The following ZCCHC14 variants were observed in gnomAD, a reference collection of about 807,000 sequenced individuals.
ZCCHC14 encodes zinc finger CCHC domain-containing protein 14.
A neutral mutation model predicts 85.0 loss-of-function variants in ZCCHC14; 16 were observed. The ratio of observed to expected loss-of-function variants is 0.19; its 90% CI spans 0.13 to 0.29. The LOEUF is 0.29. ZCCHC14 is among the 10% of genes least tolerant of loss of function. The pLI is 1.00. For synonymous variants in ZCCHC14, 775 were observed against 630.7 expected (o/e 1.23, Z -3.43); for missense variants, 1,303 against 1,443.5 (o/e 0.90, Z 1.58).
chr16:87,407,629 AC>A lies in ZCCHC14; in HGVS notation c.*2650del, dbSNP rs1908260313. The A allele has an allele frequency of 6.6e-6, 1 of 152,250 alleles. No homozygotes were observed. The highest frequency in any genetic ancestry group is 2.4e-5 in the African/African-American group (1 of 41,454). 9.4% of individuals were successfully genotyped at this position (152,250 alleles called of 1,614,324 possible). On this transcript the variant is annotated 3_prime_UTR_variant, in exon 13 of 13. Coordinates refer to ENST00000671377, the MANE Select transcript of ZCCHC14 (RefSeq NM_015144.3). Reference sequence around the variant, plus strand: ...ACAGGGTTAGAAACTTTAATATCTGACAGACTACAAAGGGCAAAGACGTGGC... The same window carrying A: ...ACAGGGTTAGAAACTTTAATATCTGAAGACTACAAAGGGCAAAGACGTGGC...
At chr16:87,424,535 G>A (rs1349371825) in intron 3 of ZCCHC14, among the ~76,000 whole-genome samples, 1 of 152,216 alleles carries the variant, frequency 6.6e-6, no homozygotes, top group Non-Finnish European at 1.5e-5. Flanking sequence ...GCATGCAGCA[G>A]CGGGCGGTGT....
chr16:87,461,401 T>G (rs943643312), intron 1 of ZCCHC14, among the ~76,000 whole-genome samples: 2 of 152,214 alleles, frequency 1.3e-5, no homozygotes, highest in Non-Finnish European at 2.9e-5. Context: ...TTCTTTACAG[T>G]CTCAATGTAT....
rs886380541 is a variant in ZCCHC14, at chr16:87,407,463, G to A, written c.*2817C>T. On this transcript the variant is annotated 3_prime_UTR_variant, in exon 13 of 13. Transcript: ENST00000671377. ...CACTTCCAACTGTCAGTATTACCAT[G>A]AAATCAACATTAGAAAATAAGGTAG... The A allele has an allele frequency of 1.3e-5, 2 of 152,196 alleles. No individual in the cohort carries two copies. Among genetic ancestry groups the A allele is most frequent in the African/African-American group, 4.8e-5 (2 of 41,444 alleles). The allele number at this position is 152,196 out of a possible 1,614,324, so 9.4% of individuals were successfully genotyped here.
At chr16:87,464,870 C>G (rs972283260) in intron 1 of ZCCHC14, among the ~76,000 whole-genome samples, 1 of 152,226 alleles carries the variant, frequency 6.6e-6, no homozygotes, top group African/African-American at 2.4e-5. Context: ...GACTCAGGCT[C>G]ACCCGCAGGA....
chr16:87,419,016 G>A (rs973010369), intron 6 of ZCCHC14, 115 bp from the exon 7 acceptor site: 117 of 971,122 alleles, frequency 1.2e-4, no homozygotes, highest in Non-Finnish European at 1.7e-4. Context: ...GAGAGCAATG[G>A]TGCGATCTCG....
chr16:87,459,845 A>C (rs1444774942), intron 2 of ZCCHC14, among the ~76,000 whole-genome samples, 163 bp downstream of exon 2: 1 of 152,214 alleles, frequency 6.6e-6, no homozygotes, highest in Non-Finnish European at 1.5e-5. Context: ...AGATTTTTAC[A>C]GCCAAAGCAT....
At chr16:87,463,173 C>T (rs1042438333) in intron 1 of ZCCHC14, among the ~76,000 whole-genome samples, 2 of 152,124 alleles carry the variant, frequency 1.3e-5, no homozygotes, top group Admixed American at 6.5e-5. Context: ...CTTGAGGCCA[C>T]GAGTTCAAGG....
Position 87,411,557 on chromosome 16 carries a change from G to C in ZCCHC14, c.3164C>G (p.Ala1055Gly). The C allele has an allele frequency of 6.2e-7, 1 of 1,613,706 alleles. No individual in the cohort carries two copies. Among genetic ancestry groups the C allele is most frequent in the Non-Finnish European group, 8.5e-7 (1 of 1,180,032 alleles). The change falls in exon 12 of 13, where the codon GCC becomes GGC. Residue 1055 changes from alanine to glycine, a missense_variant. Coordinates refer to ENST00000671377, the MANE Select transcript of ZCCHC14 (RefSeq NM_015144.3). ...CATGGACGGCTGTTTGCAGTCCTGG[G>C]CGCGGTGACCAGTGGCCCCGCAGTT... Reference protein sequence around the residue: ...CYNCGATGHRAQDCKQPSMDF... With the variant: ...CYNCGATGHRGQDCKQPSMDF...
chr16:87,433,281 A>C (rs965556714), intron 2 of ZCCHC14, 80 bp from the exon 3 acceptor site: 9 of 1,394,206 alleles, frequency 6.5e-6, no homozygotes, highest in Non-Finnish European at 8.9e-6. Flanking sequence ...GATATTCAGC[A>C]GTTTTCAAAA....
At chr16:87,424,277 C>T (rs549101184) in intron 3 of ZCCHC14, among the ~76,000 whole-genome samples, 47 of 152,302 alleles carry the variant, frequency 3.1e-4, no homozygotes, top group Admixed American at 2.7e-3. Flanking sequence ...AGCAGCCCTT[C>T]GACCACCGGT....
chr16:87,429,619 T>C (rs993224145), intron 3 of ZCCHC14, among the ~76,000 whole-genome samples: 1 of 152,188 alleles, frequency 6.6e-6, no homozygotes, highest in Non-Finnish European at 1.5e-5. Flanking sequence ...TATCTCTTTT[T>C]TTTTCCCAGG....
rs936916764 is a variant in ZCCHC14 at position 87,491,439 on chromosome 16, G to A, written c.570+230C>T. On this transcript the variant is annotated intron_variant, in intron 1 of 12. Transcript: ENST00000671377. The surrounding 1 kb of genome is among the most constrained non-coding windows in gnomAD (Gnocchi z 5.9). ...TGTACGGCGGAGGCTTGGGATGTAC[G>A]GTGGAGGCTTGGAGAGGTGGGGCAC... 3.3e-5 allele frequency among the ~76,000 whole-genome samples: 5 copies of A among 151,962 alleles called. No individual in the cohort carries two copies. The highest frequency in any genetic ancestry group is 5.9e-5 in the Non-Finnish European group (4 of 67,990).
At chr16:87,418,031 T>A (rs1200077557) in intron 7 of ZCCHC14, 1 of 445,220 alleles carries the variant, frequency 2.2e-6, no homozygotes, top group Admixed American at 3.8e-5. Context: ...AGTATGCGTC[T>A]ACTTGTGTGT....
Position 87,493,011 on chromosome 16 carries a change from G to T in ZCCHC14, c.-773C>A, listed in dbSNP as rs1912855672. ...CGCGCTCGCGGCTGACGGGCGGCCGGGATCAGCAGAAGTGGGCGGGGTGGC... is the reference window on the plus strand; with the variant it reads ...CGCGCTCGCGGCTGACGGGCGGCCGTGATCAGCAGAAGTGGGCGGGGTGGC... On this transcript the variant is annotated 5_prime_UTR_variant, in exon 1 of 13. Transcript: ENST00000671377. Among the ~76,000 whole-genome samples the T allele has an allele frequency of 6.6e-6, 1 of 151,956 alleles. No homozygotes were observed. The highest frequency in any genetic ancestry group is 1.5e-5 in the Non-Finnish European group (1 of 67,946).
rs769194539 is a variant in ZCCHC14, at chr16:87,412,003, A to ATGG, written c.2715_2717dup (p.His906dup). 4.3e-4 allele frequency: 685 copies of ATGG among 1,609,300 alleles called. 2 individuals are homozygous for ATGG. Among genetic ancestry groups the ATGG allele is most frequent in the Middle Eastern group, 1.1e-3 (6 of 5,700 alleles). ...GCTGCGGGGGTGCCGGGGGCTGCTG[A>ATGG]TGGTGGTGGTGGTGGTGGTGGTTCG... On this transcript the variant is annotated inframe_insertion, in exon 12 of 13. Coordinates refer to ENST00000671377, the MANE Select transcript of ZCCHC14 (RefSeq NM_015144.3).
chr16:87,441,097 G>A (rs769542125), intron 2 of ZCCHC14, among the ~76,000 whole-genome samples: 6 of 150,254 alleles, frequency 4.0e-5, no homozygotes, highest in African/African-American at 7.4e-5. Context: ...TCCGCCTCCC[G>A]GGTTCACGCC....
intron 2 of ZCCHC14, among the ~76,000 whole-genome samples, chr16:87,456,973 A>C (rs1910999299): frequency 1.3e-5 from 2 of 152,236 alleles, no homozygotes; most frequent in South Asian, 4.1e-4. Flanking sequence ...CTTTGTTGAG[A>C]GTATTAGTAA....
chr16:87,413,415 G>A (rs1045125845), intron 10 of ZCCHC14, among the ~76,000 whole-genome samples: 3 of 152,174 alleles, frequency 2.0e-5, no homozygotes, highest in Admixed American at 1.3e-4. Context: ...GGGCCCTGCC[G>A]GCCCCCGCCA....
At chr16:87,422,452 C>T (rs1909150169) in intron 4 of ZCCHC14, among the ~76,000 whole-genome samples, 1 of 151,918 alleles carries the variant, frequency 6.6e-6, no homozygotes, top group African/African-American at 2.4e-5. Flanking sequence ...AGGCCAGGTG[C>T]AGTGGCTCAC....
Sources: allele counts gnomAD v4.1 joint callset (sites outside exome capture counted in the v4.1 genomes callset), GRCh38; gene constraint gnomAD v4.1.1; non-coding constraint Gnocchi (gnomAD v3.1); transcripts MANE v1.5; gene names NCBI Gene and HGNC (gene_info 2026-07-23, HGNC 2026-07-21).